Variants in CALB2 observed in about 807,000 individuals in gnomAD.
CALB2 encodes calbindin 2.
A neutral mutation model predicts 45.9 loss-of-function variants in CALB2; 34 were observed. The observed-to-expected ratio is 0.74, with a 90% confidence interval of 0.56 to 0.99. The LOEUF is 0.99. Among genes scored for constraint, CALB2 ranks in the 50% least tolerant of loss-of-function variants. The pLI is 0.00. For synonymous variants in CALB2, 142 were observed against 129.6 expected (o/e 1.10, Z -0.65); for missense variants, 344 against 339.3 (o/e 1.01, Z -0.11).
intron 1 of CALB2, among the ~76,000 whole-genome samples, chr16:71,365,186 G>A (rs999417852): frequency 2.0e-5 from 3 of 152,246 alleles, no homozygotes; most frequent in African/African-American, 7.2e-5. Context: ...CTGAACTCCA[G>A]ATAGACCGAC....
At chr16:71,381,551 T>C (rs2042491737) in intron 4 of CALB2, among the ~76,000 whole-genome samples, 1 of 152,064 alleles carries the variant, frequency 6.6e-6, no homozygotes, top group Non-Finnish European at 1.5e-5. Flanking sequence ...CTAACACTCC[T>C]GACAATAAAG....
intron 10 of CALB2, among the ~76,000 whole-genome samples, chr16:71,387,952 A>C (rs2042588913): frequency 6.6e-6 from 1 of 152,150 alleles, no homozygotes; most frequent in Non-Finnish European, 1.5e-5. Flanking sequence ...ATGGGAAAAA[A>C]AGACTGGCCC....
chr16:71,380,120 C>G (rs1481212279), intron 4 of CALB2, among the ~76,000 whole-genome samples: 2 of 152,022 alleles, frequency 1.3e-5, no homozygotes, highest in East Asian at 3.9e-4. Flanking sequence ...TCTATTCCAC[C>G]TCTGGTCTGG....
chr16:71,389,795 C>G lies in CALB2; in HGVS notation c.746C>G (p.Ser249Cys), dbSNP rs1481454224. 3.1e-6 allele frequency: 5 copies of G among 1,614,012 alleles called. No individual in the cohort carries two copies. The highest frequency in any genetic ancestry group is 4.2e-6 in the Non-Finnish European group (5 of 1,179,980). Residue 249 changes from serine (S) to cysteine (C), a missense_variant, in exon 11 of 11, where the codon TCC (serine) becomes TGC (cysteine). Around this residue, in one of 3 missense-constraint regions of CALB2, gnomAD observed 263 missense variants for 241.7 expected, o/e 1.09. Transcript: ENST00000302628. The stretch of plus-strand genomic sequence containing the variant: ...ACCAACTACAGAAAGAGCGTCATGT[C>G]CTTGGCAGAGGCAGGGAAGCTCTAC... ...QLTNYRKSVM[S>C]LAEAGKLYRK...
chr16:71,362,885 A>G (rs1486553612), intron 1 of CALB2, among the ~76,000 whole-genome samples: 1 of 152,204 alleles, frequency 6.6e-6, no homozygotes, highest in Non-Finnish European at 1.5e-5. Context: ...AACAATAAAG[A>G]TATAAGAAGG....
chr16:71,361,026 G>C (rs1178611442), intron 1 of CALB2, among the ~76,000 whole-genome samples: 1 of 152,126 alleles, frequency 6.6e-6, no homozygotes. Context: ...TCCCAAAATG[G>C]GGTCCTTGGC....
intron 1 of CALB2, among the ~76,000 whole-genome samples, chr16:71,369,542 C>T (rs1178096695): frequency 6.6e-6 from 1 of 152,184 alleles, no homozygotes; most frequent in East Asian, 1.9e-4. Context: ...GCTCTGCGGG[C>T]TTCCCCTACC....
rs755927852 is a variant in CALB2 at position 71,384,845 on chromosome 16, G to T, written c.627+9G>T. On this transcript the variant is annotated intron_variant, in intron 9 of 10. Coordinates refer to ENST00000302628, the MANE Select transcript of CALB2 (RefSeq NM_001740.5). ...TCACATTTTACGACAAGGTAAGAGAGGGAGTTGGCATGGCAGGGAAAATCA... is the reference window on the plus strand; with the variant it reads ...TCACATTTTACGACAAGGTAAGAGATGGAGTTGGCATGGCAGGGAAAATCA... 1 of 1,612,148 alleles carries T rather than the reference G, an allele frequency of 6.2e-7. No homozygotes were observed. The highest frequency in any genetic ancestry group is 1.7e-5 in the Admixed American group (1 of 59,974).
At chr16:71,374,897 C>T in intron 3 of CALB2, 63 bp downstream of exon 3, 1 of 1,096,120 alleles carries the variant, frequency 9.1e-7, no homozygotes, top group East Asian at 2.4e-5. Flanking sequence ...GTGCCTCTCC[C>T]AGGCATGAGC....
chr16:71,358,913 C>T (rs1385539112), intron 1 of CALB2, 27 bp downstream of exon 1: 2 of 1,595,834 alleles, frequency 1.3e-6, no homozygotes, highest in Non-Finnish European at 1.7e-6. Context: ...ACTTCTGTGC[C>T]CATTGGCACC....
intron 1 of CALB2, among the ~76,000 whole-genome samples, chr16:71,364,322 C>T (rs1451059635): frequency 1.3e-5 from 2 of 151,812 alleles, no homozygotes; most frequent in Non-Finnish European, 2.9e-5. Flanking sequence ...CCCTGCTCAG[C>T]TTGTATATTC....
At position 71,388,202 on chromosome 16, in the gene CALB2, C is replaced by T. The variant is rs750141553; in HGVS notation, c.700-1547C>T. Among the ~76,000 whole-genome samples, 5 of 151,820 alleles carry T rather than the reference C, an allele frequency of 3.3e-5. No homozygotes were observed. In the South Asian group the frequency reaches 8.4e-4, roughly 25 times the overall value. ...ATAAAAGAAGAACTGGATGTAGTGG[C>T]GCCCACCTATAGTCGTAGCTACTTG... On this transcript the variant is annotated intron_variant, in intron 10 of 10. Transcript: ENST00000302628.
intron 10 of CALB2, 85 bp from the exon 11 acceptor site, chr16:71,389,664 G>T: frequency 1.1e-6 from 1 of 897,448 alleles, no homozygotes; most frequent in Non-Finnish European, 1.9e-6. Flanking sequence ...AGGTGTGGGT[G>T]TTTGTGTTTG....
At chr16:71,376,857 A>G (rs1567539658) in intron 3 of CALB2, among the ~76,000 whole-genome samples, 2 of 152,190 alleles carry the variant, frequency 1.3e-5, no homozygotes, top group Admixed American at 6.5e-5. Flanking sequence ...AACTACATAC[A>G]TCCATATACA....
At chr16:71,371,276 C>T (rs2042347264) in intron 1 of CALB2, among the ~76,000 whole-genome samples, 2 of 152,128 alleles carry the variant, frequency 1.3e-5, no homozygotes, top group African/African-American at 4.8e-5. Context: ...TCCCTGTGAC[C>T]AAGTCTCAGG....
chr16:71,366,451 C>G (rs1377225061), intron 1 of CALB2, among the ~76,000 whole-genome samples: 2 of 151,550 alleles, frequency 1.3e-5, no homozygotes, highest in Admixed American at 1.3e-4. Context: ...GTGCCTCAGC[C>G]TCCCAAGTAG....
chr16:71,372,075 C>T (rs112182562), intron 1 of CALB2, 78 bp from the exon 2 acceptor site: 23 of 997,552 alleles, frequency 2.3e-5, no homozygotes, highest in African/African-American at 1.4e-4. Context: ...ACATTCTCCA[C>T]GAAGCCCCCG....
intron 1 of CALB2, among the ~76,000 whole-genome samples, chr16:71,365,080 C>T (rs571409135): frequency 5.3e-5 from 8 of 152,128 alleles, no homozygotes; most frequent in African/African-American, 1.9e-4. Flanking sequence ...TGGGGCAGAG[C>T]CTGGGGAAGC....
At chr16:71,389,527 G>T in intron 10 of CALB2, 1 of 708,416 alleles carries the variant, frequency 1.4e-6, no homozygotes, top group Non-Finnish European at 2.6e-6. Context: ...TCTCAGGAAG[G>T]TTGACTACCT....
Sources: allele counts gnomAD v4.1 joint callset (sites outside exome capture counted in the v4.1 genomes callset), GRCh38; gene constraint gnomAD v4.1.1; regional missense constraint gnomAD v4.1.1; transcripts MANE v1.5; gene names NCBI Gene and HGNC (gene_info 2026-07-23, HGNC 2026-07-21).